Variants in RALYL observed in about 807,000 individuals in gnomAD.
RALYL encodes RNA-binding Raly-like protein.
In RALYL, 29 loss-of-function variants were observed where a neutral mutation model predicts 35.1. That is an observed-to-expected ratio of 0.83 (90% CI 0.61 to 1.13). RALYL has a LOEUF of 1.13. RALYL is among the 50% of genes most tolerant of loss of function. The probability of loss-of-function intolerance (pLI) is 0.00; values close to 1 mark genes in which losing one functional copy is unlikely to be tolerated. For missense variants in RALYL, 359 were observed against 360.4 expected (o/e 1.00, Z 0.03); for synonymous variants, 120 against 127.6 (o/e 0.94, Z 0.40).
chr8:84,771,936 C>A (rs138755983), intron 2 of RALYL, among the ~76,000 whole-genome samples: 40 of 152,120 alleles, frequency 2.6e-4, no homozygotes, highest in African/African-American at 9.4e-4. Flanking sequence ...CTCCCATATT[C>A]TTAGCTCAAA....
At chr8:84,292,083 AAAAT>A (rs1838869986) in intron 1 of RALYL, among the ~76,000 whole-genome samples, 1 of 152,028 alleles carries the variant, frequency 6.6e-6, no homozygotes, top group African/African-American at 2.4e-5. Flanking sequence ...TGAAACAAGA[AAAAT>A]AGATAACTGA....
At chr8:84,321,817 C>G (rs1453968391) in intron 1 of RALYL, among the ~76,000 whole-genome samples, 1 of 151,946 alleles carries the variant, frequency 6.6e-6, no homozygotes, top group African/African-American at 2.4e-5. Flanking sequence ...TTAAGACAGA[C>G]TTAAAGTAAA....
At chr8:84,470,971 T>C (rs1159411938) in intron 1 of RALYL, among the ~76,000 whole-genome samples, 3 of 152,196 alleles carry the variant, frequency 2.0e-5, no homozygotes, top group African/African-American at 7.2e-5. Flanking sequence ...TTCCCCAAAT[T>C]GGAACCTGTT....
intron 2 of RALYL, among the ~76,000 whole-genome samples, chr8:84,682,766 T>G (rs188248610): frequency 6.6e-6 from 1 of 152,262 alleles, no homozygotes; most frequent in Admixed American, 6.5e-5. Flanking sequence ...GGTCTATCAA[T>G]TTTGTTGATC....
At chr8:84,725,762 A>G (rs1404684770) in intron 2 of RALYL, among the ~76,000 whole-genome samples, 1 of 151,680 alleles carries the variant, frequency 6.6e-6, no homozygotes, top group Non-Finnish European at 1.5e-5. Context: ...AATAATACAG[A>G]TTCCTATATA....
At chr8:84,252,605 A>G (rs937971535) in intron 1 of RALYL, among the ~76,000 whole-genome samples, 1 of 152,156 alleles carries the variant, frequency 6.6e-6, no homozygotes, top group East Asian at 1.9e-4. Flanking sequence ...GGTCACAGAT[A>G]GCTAGCGTTC....
At chr8:84,322,915 T>C (rs1436151991) in intron 1 of RALYL, among the ~76,000 whole-genome samples, 1 of 152,130 alleles carries the variant, frequency 6.6e-6, no homozygotes, top group African/African-American at 2.4e-5. Context: ...ATTTAAAATA[T>C]GTATGTGAAA....
chr8:84,245,588 T>G lies in RALYL; in HGVS notation c.-24+61164T>G, dbSNP rs1828908149. ...CATACTCTATTGCTGTTCTTATTGT[T>G]GTTGTCATTAGCTGTTTAAGCGTAT... On this transcript the variant is annotated intron_variant, in intron 1 of 8. Transcript: ENST00000521268. Among the ~76,000 whole-genome samples the G allele has an allele frequency of 2.0e-5, 3 of 152,176 alleles. No homozygotes were observed. The South Asian group carries it at 6.2e-4, about 31-fold the overall frequency.
chr8:84,410,088 C>T lies in RALYL; in HGVS notation c.-23-119211C>T, dbSNP rs961179005. On this transcript the variant is annotated intron_variant, in intron 1 of 8. Transcript: ENST00000521268. ...ACATTATTTTCTCTTGAAATTCTCA[C>T]AGTATTCTTTTAGTGCTTACATGTC... Among the ~76,000 whole-genome samples, 9 of 152,030 alleles carry T rather than the reference C, an allele frequency of 5.9e-5. No homozygotes were observed. In the East Asian group the frequency reaches 1.5e-3, roughly 26 times the overall value.
At chr8:84,630,365 GC>G (rs1250381591) in intron 2 of RALYL, among the ~76,000 whole-genome samples, 1 of 151,884 alleles carries the variant, frequency 6.6e-6, no homozygotes, top group Non-Finnish European at 1.5e-5. Context: ...CATGAAGATA[GC>G]CAGGGAGGCC....
intron 8 of RALYL, among the ~76,000 whole-genome samples, chr8:84,907,838 AATAAAT>A (rs1392036464): frequency 1.3e-5 from 2 of 152,128 alleles, no homozygotes; most frequent in Non-Finnish European, 2.9e-5. Context: ...AAATATTTAA[AATAAAT>A]ATAATGAAAG....
intron 1 of RALYL, among the ~76,000 whole-genome samples, chr8:84,238,378 C>A (rs1471033324): frequency 1.3e-5 from 2 of 150,846 alleles, no homozygotes; most frequent in Non-Finnish European, 2.9e-5. Context: ...TTTTTTTCTC[C>A]GAAGACTCAA....
chr8:84,378,281 T>C (rs1306531578), intron 1 of RALYL, among the ~76,000 whole-genome samples: 1 of 151,934 alleles, frequency 6.6e-6, no homozygotes, highest in Non-Finnish European at 1.5e-5. Context: ...GAACTCACAG[T>C]ATCGAAGTAA....
intron 3 of RALYL, among the ~76,000 whole-genome samples, chr8:84,786,649 G>A (rs868748033): frequency 2.0e-5 from 3 of 152,216 alleles, no homozygotes; most frequent in Middle Eastern, 6.8e-3. Flanking sequence ...GTCTGTTCAT[G>A]TCCTTTACCT....
chr8:84,446,497 T>C (rs1393796761), intron 1 of RALYL, among the ~76,000 whole-genome samples: 1 of 152,106 alleles, frequency 6.6e-6, no homozygotes, highest in Non-Finnish European at 1.5e-5. Context: ...TAATCTTTGC[T>C]GTCTCATGGA....
intron 1 of RALYL, among the ~76,000 whole-genome samples, chr8:84,474,804 A>G (rs2053198546): frequency 6.6e-6 from 1 of 152,066 alleles, no homozygotes; most frequent in South Asian, 2.1e-4. Flanking sequence ...AACACACTGT[A>G]CTCTGATGTC....
At chr8:84,367,342 T>A (rs1479979383) in intron 1 of RALYL, among the ~76,000 whole-genome samples, 9,037 of 87,628 alleles carry the variant, frequency 0.1, 2,267 homozygotes, top group African/African-American at 0.34. Context: ...TTTTTTTTTT[T>A]TTTTTTTTTT....
chr8:84,795,663 C>T (rs1027961187), intron 3 of RALYL, among the ~76,000 whole-genome samples: 6 of 152,252 alleles, frequency 3.9e-5, no homozygotes, highest in Admixed American at 3.9e-4. Context: ...TTGGTAAATA[C>T]GTATTTGGAC....
intron 2 of RALYL, among the ~76,000 whole-genome samples, chr8:84,575,944 A>G (rs1459019544): frequency 1.3e-5 from 2 of 151,124 alleles, no homozygotes; most frequent in African/African-American, 2.4e-5. Context: ...CCTGGGCAAC[A>G]TAGCAAGATT....
Sources: allele counts gnomAD v4.1 joint callset (sites outside exome capture counted in the v4.1 genomes callset), GRCh38; gene constraint gnomAD v4.1.1; transcripts MANE v1.5; gene names NCBI Gene and HGNC (gene_info 2026-07-23, HGNC 2026-07-21).